ROR2: variants seen among roughly 807,000 people sequenced by gnomAD.
ROR2 encodes the protein tyrosine-protein kinase transmembrane receptor ROR2.
ROR2 carries 33 observed loss-of-function variants against 74.9 expected under a neutral mutation model. The ratio of observed to expected loss-of-function variants is 0.44; its 90% CI spans 0.33 to 0.59. ROR2 has a LOEUF of 0.59. Among genes scored for constraint, ROR2 ranks in the 20% least tolerant of loss-of-function variants. ROR2 has a pLI of 0.02. For missense variants in ROR2, 1,216 were observed against 1,313.8 expected (o/e 0.93, Z 1.15); for synonymous variants, 586 against 558.7 (o/e 1.05, Z -0.69).
At chr9:91,736,856 G>C (rs1825045960) in intron 5 of ROR2, among the ~76,000 whole-genome samples, 1 of 152,138 alleles carries the variant, frequency 6.6e-6, no homozygotes, top group South Asian at 2.1e-4. Context: ...ACGTGGCTTT[G>C]TTCTCTGGAA....
Position 91,733,102 on chromosome 9 carries a change from C to A in ROR2, c.937+20G>T, listed in dbSNP as rs748874716. 6.4e-7 allele frequency: 1 copy of A among 1,573,918 alleles called. No homozygotes were observed. The highest frequency in any genetic ancestry group is 1.2e-5 in the South Asian group (1 of 86,808). On this transcript the variant is annotated intron_variant, in intron 6 of 8. Transcript: ENST00000375708. The surrounding 1 kb of genome is among the most constrained non-coding windows in gnomAD (Gnocchi z 5.7). ...ACTCCCTGCGCCCCCCGGTCCCGCC[C>A]CGGGCCCTCGGGCACTCACAGCGGC...
chr9:91,733,333 G>T lies in ROR2; in HGVS notation c.726C>A (p.Arg242=). 1 of 1,612,478 alleles carries T rather than the reference G, an allele frequency of 6.2e-7. No homozygotes were observed. The highest frequency in any genetic ancestry group is 1.3e-5 in the African/African-American group (1 of 75,062). ...CHFVFPLCDA[R]SRTPKPRELC... ...GCTCACGCGGCTTGGGTGTCCGGGA[G>T]CGCGCGTCGCACAGAGGAAACACGA... is the stretch of plus-strand genomic sequence containing the variant. Residue 242 remains arginine (R), a synonymous_variant, in exon 6 of 9, where the codon CGC becomes CGA. Transcript: ENST00000375708. This position sits in a 1 kb window ranked among gnomAD's most constrained non-coding sequence, Gnocchi z 5.7.
intron 5 of ROR2, among the ~76,000 whole-genome samples, chr9:91,735,896 G>A (rs865807309): frequency 9.9e-5 from 15 of 152,166 alleles, no homozygotes; most frequent in Non-Finnish European, 4.4e-5. Context: ...GATTACAGGC[G>A]TGAGCCACCG....
chr9:91,949,920 A>G lies in ROR2; in HGVS notation c.44T>C (p.Ile15Thr). The G allele has an allele frequency of 6.5e-7, 1 of 1,536,310 alleles. No individual in the cohort carries two copies. The highest frequency in any genetic ancestry group is 8.8e-7 in the Non-Finnish European group (1 of 1,141,932). The change falls in exon 1 of 9, where the codon ATC (isoleucine) becomes ACC (threonine). Residue 15 changes from isoleucine (I) to threonine (T), a missense_variant. Physicochemically the swap from Ile to Thr is moderately conservative, Grantham distance 89 (BLOSUM62 -1). Transcript: ENST00000375708. ...CGCGGCGGCCGCCCAGACGGCCGGGATGCACAGCAGCGGCCGCCGCGGGAG... is the reference window on the plus strand; with the variant it reads ...CGCGGCGGCCGCCCAGACGGCCGGGGTGCACAGCAGCGGCCGCCGCGGGAG... ...SALPRRPLLC[I>T]PAVWAAAALL...
Position 91,905,665 on chromosome 9 carries a change from C to A in ROR2, c.97+44202G>T, listed in dbSNP as rs149933796. On this transcript the variant is annotated intron_variant, in intron 1 of 8. Transcript: ENST00000375708. The surrounding 1 kb of genome is among the most constrained non-coding windows in gnomAD (Gnocchi z 5.3). ...ACACATAACACACACGTACACCACACATACACTCCAAAATCTGTTTTTCTT... is the reference window on the plus strand; with the variant it reads ...ACACATAACACACACGTACACCACAAATACACTCCAAAATCTGTTTTTCTT... Among the ~76,000 whole-genome samples the A allele has an allele frequency of 0.012, 1,881 of 151,290 alleles. 49 individuals are homozygous for A. The highest frequency in any genetic ancestry group is 0.044 in the African/African-American group (1,815 of 41,116).
At chr9:91,737,667 A>G in intron 4 of ROR2, 149 bp from the exon 5 acceptor site, 1 of 1,080,142 alleles carries the variant, frequency 9.3e-7, no homozygotes, top group Non-Finnish European at 1.4e-6. Context: ...CACATAAGTC[A>G]CACAAAAACC....
intron 1 of ROR2, among the ~76,000 whole-genome samples, chr9:91,799,394 C>G (rs1195059271): frequency 1.3e-5 from 2 of 152,186 alleles, no homozygotes; most frequent in Non-Finnish European, 2.9e-5. Context: ...GACGGGGGCA[C>G]GCATTCCCCT....
chr9:91,785,675 A>C (rs1826773583), intron 1 of ROR2, among the ~76,000 whole-genome samples: 1 of 152,188 alleles, frequency 6.6e-6, no homozygotes, highest in African/African-American at 2.4e-5. Flanking sequence ...TGCCTGCTAC[A>C]CCAGAGGCCA....
chr9:91,913,305 C>T (rs1587842542), intron 1 of ROR2, among the ~76,000 whole-genome samples: 1 of 152,334 alleles, frequency 6.6e-6, no homozygotes, highest in East Asian at 1.9e-4. Flanking sequence ...AACAGTGATT[C>T]ACAGTAGATA....
At chr9:91,753,067 T>C (rs966112556) in intron 4 of ROR2, among the ~76,000 whole-genome samples, 9 of 152,198 alleles carry the variant, frequency 5.9e-5, no homozygotes, top group Admixed American at 3.9e-4. Flanking sequence ...AAATTCAATT[T>C]AGATATTAAT....
At chr9:91,946,602 G>T (rs553143414) in intron 1 of ROR2, among the ~76,000 whole-genome samples, 1 of 152,218 alleles carries the variant, frequency 6.6e-6, no homozygotes, top group Non-Finnish European at 1.5e-5. Flanking sequence ...AGTTTGTAGC[G>T]TTAACTTTCT....
At chr9:91,891,167 G>A (rs150422064) in intron 1 of ROR2, among the ~76,000 whole-genome samples, 11 of 151,986 alleles carry the variant, frequency 7.2e-5, no homozygotes, top group African/African-American at 2.7e-4. Context: ...TTACGGTTCT[G>A]TACATCAGAA....
Position 91,816,639 on chromosome 9 carries a change from GC to G in ROR2, c.98-40822del, listed in dbSNP as rs549922207. 1.5e-3 allele frequency among the ~76,000 whole-genome samples: 226 copies of G among 152,000 alleles called. 1 individual carries two copies. Among genetic ancestry groups the G allele is most frequent in the African/African-American group, 4.9e-3 (205 of 41,434 alleles). On this transcript the variant is annotated intron_variant, in intron 1 of 8. Coordinates refer to ENST00000375708, the MANE Select transcript of ROR2 (RefSeq NM_004560.4). ...ACAGCTCCCCGCTGTGGTATGCAGG[GC>G]CCTCCCTGGCATCCGCGATCCCCTC...
At chr9:91,944,096 A>G (rs149895738) in intron 1 of ROR2, among the ~76,000 whole-genome samples, 3 of 152,346 alleles carry the variant, frequency 2.0e-5, no homozygotes, top group African/African-American at 7.2e-5. Context: ...TTTCATCATC[A>G]TATGAACATC....
intron 1 of ROR2, 23 bp from the exon 2 acceptor site, chr9:91,775,841 G>T (rs1354001370): frequency 2.5e-6 from 4 of 1,608,444 alleles, no homozygotes; most frequent in Non-Finnish European, 3.4e-6. Flanking sequence ...AACCAGGATA[G>T]GTATTAAACA....
At chr9:91,921,815 C>T (rs559873988) in intron 1 of ROR2, among the ~76,000 whole-genome samples, 4 of 148,818 alleles carry the variant, frequency 2.7e-5, no homozygotes, top group East Asian at 4.0e-4. Flanking sequence ...GAGCCAAGAT[C>T]GCGCCACTGC....
chr9:91,733,448 G>T lies in ROR2; in HGVS notation c.623-12C>A. The stretch of plus-strand genomic sequence containing the variant: ...CATGGTGAAGGCCGCTGCAGAGCCC[G>T]CGAGACTCGCGTTAGCGGGGGACCC... On this transcript the variant is annotated splice_polypyrimidine_tract_variant and intron_variant, in intron 5 of 8. Transcript: ENST00000375708. This position sits in a 1 kb window ranked among gnomAD's most constrained non-coding sequence, Gnocchi z 5.7. 2 of 1,607,508 alleles carry T rather than the reference G, an allele frequency of 1.2e-6. No individual in the cohort carries two copies.
At chr9:91,839,988 G>T (rs1274226947) in intron 1 of ROR2, among the ~76,000 whole-genome samples, 2 of 152,014 alleles carry the variant, frequency 1.3e-5, no homozygotes, top group Non-Finnish European at 2.9e-5. Context: ...CACCTGCGTT[G>T]CCCACAGCGC....
At chr9:91,858,937 A>G (rs781061063) in intron 1 of ROR2, among the ~76,000 whole-genome samples, 1 of 152,122 alleles carries the variant, frequency 6.6e-6, no homozygotes, top group Non-Finnish European at 1.5e-5. Flanking sequence ...TCTATTGCCC[A>G]CCTCCTGAAC....
Sources: allele counts gnomAD v4.1 joint callset (sites outside exome capture counted in the v4.1 genomes callset), GRCh38; gene constraint gnomAD v4.1.1; non-coding constraint Gnocchi (gnomAD v3.1); transcripts MANE v1.5; gene names NCBI Gene and HGNC (gene_info 2026-07-23, HGNC 2026-07-21).